The following STON2 variants were observed in gnomAD, a reference collection of about 807,000 sequenced individuals.
STON2 encodes stonin-2.
In STON2, 29 loss-of-function variants were observed where a neutral mutation model predicts 65.7. That is an observed-to-expected ratio of 0.44 (90% CI 0.33 to 0.60). The LOEUF (loss-of-function observed/expected upper bound fraction) is 0.60, where lower values mean the gene tolerates loss of function less well. STON2 is among the 20% of genes least tolerant of loss of function. The pLI is 0.03. For synonymous variants in STON2, 404 were observed against 414.2 expected (o/e 0.98, Z 0.30); for missense variants, 1,054 against 1,118.1 (o/e 0.94, Z 0.82).
chr14:81,271,212 G>A (rs1040740113), intron 6 of STON2, among the ~76,000 whole-genome samples: 5 of 152,220 alleles, frequency 3.3e-5, no homozygotes, highest in Admixed American at 2.6e-4. Context: ...GTGAAGAATG[G>A]AATGGAAGGG....
At chr14:81,334,544 A>G (rs572500897) in intron 4 of STON2, among the ~76,000 whole-genome samples, 1 of 152,228 alleles carries the variant, frequency 6.6e-6, no homozygotes, top group Non-Finnish European at 1.5e-5. Context: ...CAAGCTCTTC[A>G]TATCTTTCTC....
chr14:81,361,309 T>C (rs1898483436), intron 4 of STON2, among the ~76,000 whole-genome samples: 1 of 152,098 alleles, frequency 6.6e-6, no homozygotes, highest in East Asian at 1.9e-4. Flanking sequence ...AAGAGACCCA[T>C]TAACCAATGG....
intron 2 of STON2, among the ~76,000 whole-genome samples, chr14:81,397,525 A>T (rs1900384601): frequency 6.6e-6 from 1 of 152,194 alleles, no homozygotes; most frequent in Non-Finnish European, 1.5e-5. Flanking sequence ...GGGGCTCAGT[A>T]ACCACATGGC....
intron 2 of STON2, among the ~76,000 whole-genome samples, chr14:81,415,199 T>C (rs1360952526): frequency 6.6e-6 from 1 of 151,618 alleles, no homozygotes; most frequent in Non-Finnish European, 1.5e-5. Flanking sequence ...TGCCATCCTA[T>C]AGATGAGGTA....
At chr14:81,317,876 C>G (rs1595344950) in intron 5 of STON2, among the ~76,000 whole-genome samples, 1 of 152,134 alleles carries the variant, frequency 6.6e-6, no homozygotes, top group Non-Finnish European at 1.5e-5. Context: ...GAAACAGAGG[C>G]ATTCTACAGG....
In STON2 at chr14:81,270,756, A is replaced by C. The variant is rs1019975769; in HGVS notation, c.2698T>G (p.Ser900Ala). The part of the protein sequence containing the change: ...VEFSMPTTSA[S>A]KASVRSISVE... Reference sequence around the variant, plus strand: ...GAGATAGATCTCACGCTGGCTTTGGAGGCAGAAGTTGTGGGCATGCTGAAC... The same window carrying C: ...GAGATAGATCTCACGCTGGCTTTGGCGGCAGAAGTTGTGGGCATGCTGAAC... The change falls in exon 7 of 8, where the codon TCC (serine) becomes GCC (alanine). Residue 900 changes from serine (S) to alanine (A), a missense_variant. Transcript: ENST00000614646. 2 of 1,614,016 alleles carry C rather than the reference A, an allele frequency of 1.2e-6. No individual in the cohort carries two copies. The highest frequency in any genetic ancestry group is 1.7e-6 in the Non-Finnish European group (2 of 1,180,038).
chr14:81,400,729 G>C (rs1900569771), upstream of STON2, among the ~76,000 whole-genome samples: 1 of 152,146 alleles, frequency 6.6e-6, no homozygotes, highest in African/African-American at 2.4e-5. Flanking sequence ...AAGGAAATCA[G>C]GCACACGAAT....
chr14:81,425,426 G>A (rs558839458), intron 2 of STON2, among the ~76,000 whole-genome samples: 5 of 152,104 alleles, frequency 3.3e-5, no homozygotes, highest in Non-Finnish European at 7.4e-5. Context: ...CACAAAATTA[G>A]CTGGGCACGG....
At chr14:81,358,669 T>C (rs546649844) in intron 4 of STON2, among the ~76,000 whole-genome samples, 2 of 152,092 alleles carry the variant, frequency 1.3e-5, no homozygotes, top group South Asian at 2.1e-4. Context: ...AAGACACACA[T>C]AGACTGAAAG....
At chr14:81,401,446 T>A (rs1249350029), upstream of STON2, among the ~76,000 whole-genome samples, 2 of 152,088 alleles carry the variant, frequency 1.3e-5, no homozygotes, top group African/African-American at 4.8e-5. Flanking sequence ...CATAAATCCA[T>A]AAAATGGATT....
chr14:81,394,166 G>C (rs1338082465), intron 3 of STON2, among the ~76,000 whole-genome samples: 1 of 151,824 alleles, frequency 6.6e-6, no homozygotes, highest in Non-Finnish European at 1.5e-5. Flanking sequence ...ACTCCAGCCT[G>C]GGCAACAGAG....
At chr14:81,320,892 T>A (rs1157813783) in intron 5 of STON2, among the ~76,000 whole-genome samples, 6 of 152,092 alleles carry the variant, frequency 3.9e-5, no homozygotes, top group African/African-American at 1.4e-4. Context: ...CAGGAAAAGA[T>A]AACACACAAG....
rs1304636053 is a variant in STON2 at position 81,261,518 on chromosome 14, G to C, written c.*6896C>G. 1.6e-5 allele frequency: 5 copies of C among 303,794 alleles called. No homozygotes were observed. The highest frequency in any genetic ancestry group is 6.0e-6 in the Non-Finnish European group (1 of 167,630). The allele number at this position is 303,794 out of a possible 1,614,324, so 18.8% of individuals were successfully genotyped here. A position where few individuals can be genotyped will look rare whatever the true frequency, so the allele number is the denominator to read the frequency against. On this transcript the variant is annotated 3_prime_UTR_variant, in exon 8 of 8. Coordinates refer to ENST00000614646, the MANE Select transcript of STON2 (RefSeq NM_001394390.1). ...TTTAAAATTTTTTTAACTACAATTT[G>C]ATGTTACTAAGAGACAACGAGGATA...
intron 1 of STON2, among the ~76,000 whole-genome samples, chr14:81,432,925 GTCTC>G: frequency 6.6e-6 from 1 of 152,110 alleles, no homozygotes; most frequent in Non-Finnish European, 1.5e-5. Flanking sequence ...ACATCTTAAT[GTCTC>G]CCCTTAGTTT....
chr14:81,391,357 T>C (rs978791965), intron 3 of STON2, among the ~76,000 whole-genome samples: 3 of 152,230 alleles, frequency 2.0e-5, no homozygotes, highest in Non-Finnish European at 4.4e-5. Context: ...CATTTTGGAT[T>C]CAAATTAAAA....
In STON2 at chr14:81,396,294, G is replaced by C. The variant is rs1390374503; in HGVS notation, c.89-116C>G. 3 of 916,350 alleles carry C rather than the reference G, an allele frequency of 3.3e-6. No homozygotes were observed. The East Asian group carries it at 7.8e-5, about 24-fold the overall frequency. 56.8% of individuals were successfully genotyped at this position (916,350 alleles called of 1,614,324 possible). The stretch of plus-strand genomic sequence containing the variant: ...TGCCCGCATGACTCGCCACTGCAGT[G>C]AGTGGGGAGAAGAAAGAGCCACACC... On this transcript the variant is annotated intron_variant, in intron 2 of 7. Transcript: ENST00000614646.
rs1395158723 is a variant in STON2 at position 81,267,922 on chromosome 14, T to C, written c.*492A>G. 4.1e-6 allele frequency: 4 copies of C among 985,470 alleles called. No homozygotes were observed. Among genetic ancestry groups the C allele is most frequent in the East Asian group, 1.1e-4 (1 of 8,818 alleles). The allele number at this position is 985,470 out of a possible 1,614,324, so 61.0% of individuals were successfully genotyped here. On this transcript the variant is annotated 3_prime_UTR_variant, in exon 8 of 8. Transcript: ENST00000614646. ...GTCTAGTAAGACCCAAAGAGGAAAT[T>C]TGTTTTGCACCTTTTCTGAACCTTT...
rs533335550 is a variant in STON2, at chr14:81,360,015, T to C, written c.571+10973A>G. Among the ~76,000 whole-genome samples, 44 of 152,308 alleles carry C rather than the reference T, an allele frequency of 2.9e-4. No individual in the cohort carries two copies. In the South Asian group the frequency reaches 9.1e-3, roughly 32 times the overall value. On this transcript the variant is annotated intron_variant, in intron 4 of 7. Transcript: ENST00000614646. ...CTGAGGGCAGAGGATCGCTCATTCC[T>C]GGGAGGTTGAGGCTGCAGTGAGCTG...
intron 1 of STON2, among the ~76,000 whole-genome samples, chr14:81,430,243 G>C (rs1225676034): frequency 3.9e-5 from 6 of 152,284 alleles, no homozygotes; most frequent in South Asian, 2.1e-4. Context: ...CCTACTGTTG[G>C]TCTCGCTGTG....
Sources: gnomAD v4.1 joint callset for allele counts (sites outside exome capture counted in the v4.1 genomes callset) on GRCh38, gnomAD v4.1.1 for gene constraint, MANE v1.5 for transcripts, NCBI Gene and HGNC (gene_info 2026-07-23, HGNC 2026-07-21) for gene names.